Variants in KLHL32 observed in about 807,000 individuals in gnomAD.
KLHL32 encodes kelch-like protein 32.
In KLHL32, 35 loss-of-function variants were observed where a neutral mutation model predicts 64.8. The observed-to-expected ratio is 0.54, with a 90% CI of 0.41 to 0.72. KLHL32 has a LOEUF of 0.72. Ranked by LOEUF, KLHL32 falls within the 30% of genes least tolerant of loss-of-function variation. The probability of loss-of-function intolerance (pLI) is 0.00; values close to 1 mark genes in which losing one functional copy is unlikely to be tolerated. For missense variants in KLHL32, 589 were observed against 768.5 expected (o/e 0.77, Z 2.76); for synonymous variants, 259 against 281.0 (o/e 0.92, Z 0.78).
At chr6:96,958,868 G>C (rs538786033) in intron 1 of KLHL32, among the ~76,000 whole-genome samples, 4 of 152,146 alleles carry the variant, frequency 2.6e-5, no homozygotes. Context: ...AGGCATGCAG[G>C]TGCACACACA....
chr6:96,986,307 T>C (rs530133828), intron 3 of KLHL32, among the ~76,000 whole-genome samples: 1 of 152,292 alleles, frequency 6.6e-6, no homozygotes, highest in African/African-American at 2.4e-5. Context: ...CCAGTTAGGC[T>C]ACTCAGGGGT....
At chr6:97,013,557 C>T (rs996216382) in intron 3 of KLHL32, among the ~76,000 whole-genome samples, 1 of 152,178 alleles carries the variant, frequency 6.6e-6, no homozygotes, top group East Asian at 1.9e-4. Flanking sequence ...CACAGACACA[C>T]ACATACACAC....
chr6:97,069,087 C>T (rs976580904), intron 5 of KLHL32, among the ~76,000 whole-genome samples: 1 of 152,130 alleles, frequency 6.6e-6, no homozygotes, highest in Admixed American at 6.5e-5. Context: ...AGATCATTTC[C>T]TCAGATTGAA....
At chr6:97,007,319 A>C (rs1779789571) in intron 3 of KLHL32, among the ~76,000 whole-genome samples, 1 of 152,164 alleles carries the variant, frequency 6.6e-6, no homozygotes, top group Admixed American at 6.5e-5. Flanking sequence ...TGTAATCCTT[A>C]AAGTGAGCTT....
the KLHL32 span, among the ~76,000 whole-genome samples, chr6:96,918,952 T>C: frequency 6.6e-6 from 1 of 152,190 alleles, no homozygotes; most frequent in African/African-American, 2.4e-5. Context: ...ATAGCATCCC[T>C]TTCCCTTATG....
chr6:97,115,605 C>T (rs1253128229), intron 7 of KLHL32, among the ~76,000 whole-genome samples: 2 of 152,156 alleles, frequency 1.3e-5, no homozygotes, highest in Non-Finnish European at 2.9e-5. Context: ...TTTGCTTATA[C>T]AGAAGGAGTC....
At chr6:97,068,285 A>G (rs1296523067) in intron 5 of KLHL32, among the ~76,000 whole-genome samples, 1 of 152,176 alleles carries the variant, frequency 6.6e-6, no homozygotes, top group African/African-American at 2.4e-5. Context: ...TTTTAATAAT[A>G]TGCAATTTAA....
At chr6:96,971,944 C>G (rs1256732075) in intron 2 of KLHL32, among the ~76,000 whole-genome samples, 1 of 152,074 alleles carries the variant, frequency 6.6e-6, no homozygotes, top group African/African-American at 2.4e-5. Flanking sequence ...CCTCTGCTTC[C>G]CGGGTTCAAG....
In KLHL32 at chr6:97,113,821, G is replaced by A; in HGVS notation, c.666G>A (p.Gln222=). The A allele has an allele frequency of 6.2e-7, 1 of 1,614,066 alleles. No homozygotes were observed. The highest frequency in any genetic ancestry group is 1.1e-5 in the South Asian group (1 of 91,078). Residue 222 remains glutamine (Q), a synonymous_variant, in exon 7 of 11, where the codon CAG becomes CAA. Transcript: ENST00000369261. ...VRWLEHNCHY[Q]YMDELLQYIR... ...GGTTGGAACACAACTGCCACTACCA[G>A]TACATGGACGAGCTCCTGCAATACA...
At chr6:97,078,497 G>A (rs758671257) in intron 5 of KLHL32, among the ~76,000 whole-genome samples, 47 of 152,094 alleles carry the variant, frequency 3.1e-4, no homozygotes, top group Admixed American at 2.1e-3. Flanking sequence ...GTTATTACCC[G>A]GAAAAATCTG....
At chr6:96,949,087 G>A (rs183928452) in intron 1 of KLHL32, among the ~76,000 whole-genome samples, 4 of 152,138 alleles carry the variant, frequency 2.6e-5, no homozygotes, top group African/African-American at 9.7e-5. Flanking sequence ...GATGTTTTGT[G>A]CATTTTAGCA....
At chr6:96,995,847 C>T (rs1778356198) in intron 3 of KLHL32, among the ~76,000 whole-genome samples, 1 of 152,220 alleles carries the variant, frequency 6.6e-6, no homozygotes, top group African/African-American at 2.4e-5. Context: ...TTCAGCTTGT[C>T]ACCTTCCAGG....
chr6:96,986,285 G>C (rs527899978), intron 3 of KLHL32, among the ~76,000 whole-genome samples: 2 of 151,622 alleles, frequency 1.3e-5, no homozygotes, highest in Admixed American at 6.6e-5. Flanking sequence ...TGCCCCTAAT[G>C]GGGGGGGCCT....
chr6:96,962,376 A>G (rs1264010325), intron 1 of KLHL32, among the ~76,000 whole-genome samples: 2 of 152,182 alleles, frequency 1.3e-5, no homozygotes, highest in African/African-American at 4.8e-5. Flanking sequence ...AATTTCAATT[A>G]TGTGAAAAAA....
intron 6 of KLHL32, among the ~76,000 whole-genome samples, chr6:97,112,563 C>T (rs1797284827): frequency 6.6e-6 from 1 of 151,866 alleles, no homozygotes; most frequent in Admixed American, 6.6e-5. Flanking sequence ...TCTCCTGCCT[C>T]AGCCTCCCGA....
intron 4 of KLHL32, among the ~76,000 whole-genome samples, chr6:97,050,860 A>C (rs1786778855): frequency 6.6e-6 from 1 of 152,034 alleles, no homozygotes; most frequent in Non-Finnish European, 1.5e-5. Context: ...AAAAATAGCC[A>C]GGTGTGGCGG....
At chr6:97,092,382 A>G (rs2128187069) in intron 6 of KLHL32, among the ~76,000 whole-genome samples, 1 of 152,272 alleles carries the variant, frequency 6.6e-6, no homozygotes, top group East Asian at 1.9e-4. Flanking sequence ...TTTTAAAGTT[A>G]CCATTTCTTA....
At position 97,020,581 on chromosome 6, in the gene KLHL32, CAGA is replaced by C. The variant is rs1004582649; in HGVS notation, c.205-20904_205-20902del. ...TATTACATAAACCTGTTCTAAAGTCCAGAAGAAGATGGAAAGCCACACACCTCA... is the reference window on the plus strand; with the variant it reads ...TATTACATAAACCTGTTCTAAAGTCCAGAAGATGGAAAGCCACACACCTCA... On this transcript the variant is annotated intron_variant, in intron 3 of 10. Transcript: ENST00000369261. Among the ~76,000 whole-genome samples, 30 of 150,904 alleles carry C rather than the reference CAGA, an allele frequency of 2.0e-4. 2 individuals carry two copies. The South Asian group carries it at 2.1e-3, about 10-fold the overall frequency.
intron 3 of KLHL32, among the ~76,000 whole-genome samples, chr6:96,988,074 A>C (rs1188725578): frequency 2.0e-5 from 3 of 152,244 alleles, no homozygotes; most frequent in African/African-American, 4.8e-5. Flanking sequence ...CACCAAAAGC[A>C]ATGGCAACAA....
Sources: gnomAD v4.1 joint callset for allele counts (sites outside exome capture counted in the v4.1 genomes callset) on GRCh38, gnomAD v4.1.1 for gene constraint, MANE v1.5 for transcripts, NCBI Gene and HGNC (gene_info 2026-07-23, HGNC 2026-07-21) for gene names.